Variants in LPP observed in about 807,000 individuals in gnomAD.
LPP encodes the protein LIM domain containing preferred translocation partner in lipoma.
A neutral mutation model predicts 60.4 loss-of-function variants in LPP; 38 were observed. The ratio of observed to expected loss-of-function variants is 0.63; its 90% CI spans 0.49 to 0.83. The LOEUF is 0.83. Ranked by LOEUF, LPP falls within the 40% of genes least tolerant of loss-of-function variation. The pLI, the probability that LPP is intolerant of heterozygous loss-of-function variation, is 0.00. For synonymous variants in LPP, 328 were observed against 290.8 expected, an observed-to-expected ratio of 1.13 and a Z score of -1.30; for missense variants, 902 against 783.6, an observed-to-expected ratio of 1.15 and a Z score of -1.80.
In LPP at chr3:188,878,382, A is replaced by G; in HGVS notation, c.*3903A>G. 4.6e-6 allele frequency: 1 copy of G among 216,866 alleles called. No individual in the cohort carries two copies. Among genetic ancestry groups the G allele is most frequent in the East Asian group, 6.9e-5 (1 of 14,580 alleles). The allele number at this position is 216,866 out of a possible 1,614,324, so 13.4% of individuals were successfully genotyped here. On this transcript the variant is annotated 3_prime_UTR_variant, in exon 12 of 12. Coordinates refer to ENST00000617246, the MANE Select transcript of LPP (RefSeq NM_001375462.1). ...TTGGAAAGGCTTTATTTTTTCATAT[A>G]CATTTCTAGAAATATTGCTATTCTA...
intron 6 of LPP, among the ~76,000 whole-genome samples, chr3:188,560,607 C>G (rs1261509931): frequency 6.6e-6 from 1 of 152,110 alleles, no homozygotes; most frequent in Non-Finnish European, 1.5e-5. Flanking sequence ...TCCAGAGATA[C>G]ATAGATTGTT....
chr3:188,362,776 C>T lies in LPP; in HGVS notation c.-10+21057C>T, dbSNP rs1029051469. Among the ~76,000 whole-genome samples the T allele has an allele frequency of 1.5e-4, 23 of 152,146 alleles. 1 individual carries two copies. Among genetic ancestry groups the T allele is most frequent in the African/African-American group, 5.1e-4 (21 of 41,428 alleles). On this transcript the variant is annotated intron_variant, in intron 3 of 11. Coordinates refer to ENST00000617246, the MANE Select transcript of LPP (RefSeq NM_001375462.1). The stretch of plus-strand genomic sequence containing the variant: ...TAAATCGCTAAAATCTGTTAGAATA[C>T]GTCAGCTTCCAGGTTTGTCTGAGGA...
At chr3:188,812,525 T>G (rs975997054) in intron 9 of LPP, among the ~76,000 whole-genome samples, 8 of 152,226 alleles carry the variant, frequency 5.3e-5, no homozygotes, top group Admixed American at 1.3e-4. Context: ...TCAGTTTGTT[T>G]CTTTAGCATC....
At chr3:188,198,898 T>C (rs1730269876) in intron 1 of LPP, among the ~76,000 whole-genome samples, 2 of 152,172 alleles carry the variant, frequency 1.3e-5, no homozygotes, top group Admixed American at 1.3e-4. Context: ...CAATTGTTTA[T>C]TACTGTGTAG....
At chr3:188,633,158 A>G (rs762308323) in intron 7 of LPP, among the ~76,000 whole-genome samples, 7 of 152,214 alleles carry the variant, frequency 4.6e-5, no homozygotes, top group Non-Finnish European at 7.3e-5. Context: ...TGTTGTCACT[A>G]TCATACTGGG....
chr3:188,309,511 G>T (rs796823910), intron 2 of LPP, among the ~76,000 whole-genome samples: 2 of 152,088 alleles, frequency 1.3e-5, no homozygotes, highest in African/African-American at 4.8e-5. Context: ...TTTAAACGTT[G>T]CCCAAAACAA....
intron 8 of LPP, among the ~76,000 whole-genome samples, chr3:188,741,959 A>T (rs1433391305): frequency 6.6e-6 from 1 of 152,112 alleles, no homozygotes. Context: ...CAAAGAATGC[A>T]ATTTAAAAAC....
chr3:188,491,866 T>C (rs1808479128), intron 5 of LPP, among the ~76,000 whole-genome samples: 1 of 152,202 alleles, frequency 6.6e-6, no homozygotes. Context: ...CAATATTTCA[T>C]TTAGCATTAG....
intron 3 of LPP, among the ~76,000 whole-genome samples, chr3:188,374,295 T>G (rs1048315663): frequency 1.3e-5 from 2 of 152,094 alleles, no homozygotes; most frequent in Non-Finnish European, 2.9e-5. Flanking sequence ...AAATTACCTT[T>G]GGCAGTATGG....
intron 2 of LPP, among the ~76,000 whole-genome samples, chr3:188,329,712 A>G (rs1439753896): frequency 3.3e-5 from 5 of 152,142 alleles, no homozygotes; most frequent in African/African-American, 4.8e-5. Flanking sequence ...CTGCTTTTCA[A>G]TGGTAACCAC....
intron 2 of LPP, among the ~76,000 whole-genome samples, chr3:188,268,376 A>G (rs1267897685): frequency 6.6e-6 from 1 of 152,256 alleles, no homozygotes; most frequent in East Asian, 1.9e-4. Context: ...TAAGCAAAGA[A>G]CAATTCGTGA....
intron 2 of LPP, among the ~76,000 whole-genome samples, chr3:188,308,931 T>TCTC (rs370337454): frequency 1.3e-5 from 2 of 150,836 alleles, no homozygotes; most frequent in East Asian, 1.9e-4. Context: ...CTTCTTCTTC[T>TCTC]CTCCTCCTCC....
intron 3 of LPP, among the ~76,000 whole-genome samples, chr3:188,342,552 G>A (rs539440902): frequency 9.8e-5 from 15 of 152,296 alleles, no homozygotes; most frequent in African/African-American, 3.4e-4. Context: ...TCAATATGTA[G>A]AATAGTAACT....
At chr3:188,666,070 A>G (rs934420040) in intron 7 of LPP, among the ~76,000 whole-genome samples, 2 of 152,218 alleles carry the variant, frequency 1.3e-5, no homozygotes, top group Non-Finnish European at 2.9e-5. Context: ...CAGAATACTA[A>G]CTTTGCCAGA....
chr3:188,878,457 C>T lies in LPP; in HGVS notation c.*3978C>T. The T allele has an allele frequency of 4.7e-6, 1 of 214,502 alleles. No homozygotes were observed. Among genetic ancestry groups the T allele is most frequent in the Non-Finnish European group, 9.4e-6 (1 of 105,922 alleles). The allele number at this position is 214,502 out of a possible 1,614,324, so 13.3% of individuals were successfully genotyped here. On this transcript the variant is annotated 3_prime_UTR_variant, in exon 12 of 12. Coordinates refer to ENST00000617246, the MANE Select transcript of LPP (RefSeq NM_001375462.1). Reference sequence around the variant, plus strand: ...CAAACAAGCGATTGTCCATCTGTTGCCTAGAGCTATAGTACATGTGTGTTA... The same window carrying T: ...CAAACAAGCGATTGTCCATCTGTTGTCTAGAGCTATAGTACATGTGTGTTA...
In LPP at chr3:188,884,694, C is replaced by T. The variant is rs759155028; in HGVS notation, c.*10215C>T. Reference sequence around the variant, plus strand: ...AATTCATTGGCATGTAGAGGTGACTCGATTCCTAAAAGAAGCCTCTCTCCC... The same window carrying T: ...AATTCATTGGCATGTAGAGGTGACTTGATTCCTAAAAGAAGCCTCTCTCCC... On this transcript the variant is annotated 3_prime_UTR_variant, in exon 12 of 12. Coordinates refer to ENST00000617246, the MANE Select transcript of LPP (RefSeq NM_001375462.1). 4.4e-6 allele frequency: 1 copy of T among 227,446 alleles called. No individual in the cohort carries two copies. The highest frequency in any genetic ancestry group is 2.2e-5 in the African/African-American group (1 of 44,968). The allele number at this position is 227,446 out of a possible 1,614,324, so 14.1% of individuals were successfully genotyped here.
chr3:188,496,466 T>A, intron 5 of LPP, among the ~76,000 whole-genome samples: 1 of 152,176 alleles, frequency 6.6e-6, no homozygotes, highest in Admixed American at 6.5e-5. Flanking sequence ...ATATACTTTA[T>A]CTCACTTGAA....
chr3:188,650,897 T>C lies in LPP; in HGVS notation c.1113+41053T>C, dbSNP rs571245970. Among the ~76,000 whole-genome samples the C allele has an allele frequency of 3.3e-5, 5 of 152,332 alleles. No homozygotes were observed. The East Asian group carries it at 9.6e-4, about 29-fold the overall frequency. On this transcript the variant is annotated intron_variant, in intron 7 of 11. Transcript: ENST00000617246. ...CTATGTCTGATTTCTGTCTACTTGG[T>C]GGCATTGACTAGTTTTGAGAAACCA...
At chr3:188,524,361 G>T (rs1470244266) in intron 5 of LPP, among the ~76,000 whole-genome samples, 1 of 152,056 alleles carries the variant, frequency 6.6e-6, no homozygotes, top group Non-Finnish European at 1.5e-5. Flanking sequence ...TGTTCTTTAG[G>T]TGCAGGAATG....
Sources: allele counts gnomAD v4.1 joint callset (sites outside exome capture counted in the v4.1 genomes callset), GRCh38; gene constraint gnomAD v4.1.1; transcripts MANE v1.5; gene names NCBI Gene and HGNC (gene_info 2026-07-23, HGNC 2026-07-21).